Variants in AKAP3 observed in about 807,000 individuals in gnomAD.
AKAP3 encodes the protein A-kinase anchor protein 3.
Under a neutral mutation model 57.2 loss-of-function variants are expected in AKAP3, and 27 were observed. The ratio of observed to expected loss-of-function variants is 0.47; its 90% CI spans 0.35 to 0.65. The LOEUF is 0.65. Ranked by LOEUF, AKAP3 falls within the 30% of genes least tolerant of loss-of-function variation. The probability of loss-of-function intolerance (pLI) is 0.01; values close to 1 mark genes in which losing one functional copy is unlikely to be tolerated. For synonymous variants in AKAP3, 334 were observed against 392.3 expected, an observed-to-expected ratio of 0.85 and a Z score of 1.76; for missense variants, 959 against 1,040.0, an observed-to-expected ratio of 0.92 and a Z score of 1.07.
At chr12:4,641,748 C>G (rs1358822535) in intron 3 of AKAP3, among the ~76,000 whole-genome samples, 151 bp downstream of exon 3, 1 of 152,216 alleles carries the variant, frequency 6.6e-6, no homozygotes, top group Non-Finnish European at 1.5e-5. Flanking sequence ...AACACAATCT[C>G]TTAATCTTCT....
intron 4 of AKAP3, among the ~76,000 whole-genome samples, chr12:4,636,718 T>A (rs1945570363): frequency 6.6e-6 from 1 of 152,242 alleles, no homozygotes; most frequent in African/African-American, 2.4e-5. Flanking sequence ...GTCATTTGCA[T>A]TTGATTACAT....
Position 4,627,069 on chromosome 12 carries a change from C to G in AKAP3, c.1833G>C (p.Gln611His). Residue 611 changes from glutamine to histidine, a missense_variant, in exon 5 of 6, where the codon CAG (glutamine) becomes CAC (histidine). Transcript: ENST00000228850. ...LLSETIFKRD[Q>H]SPEPKVPEQP... is the part of the protein sequence containing the mutation. ...GTTCCGGCACCTTGGGTTCAGGGCT[C>G]TGGTCACGCTTGAAAATGGTCTCAC... 1 of 1,614,052 alleles carries G rather than the reference C, an allele frequency of 6.2e-7. No homozygotes were observed.
At position 4,628,747 on chromosome 12, in the gene AKAP3, C is replaced by T. The variant is rs1945461585; in HGVS notation, c.155G>A (p.Ser52Asn). 3 of 1,614,028 alleles carry T rather than the reference C, an allele frequency of 1.9e-6. No individual in the cohort carries two copies. The highest frequency in any genetic ancestry group is 2.5e-6 in the Non-Finnish European group (3 of 1,180,002). ...CCGAACATCTTGGAACTCTGCTGTA[C>T]TCTTCTCCAGGTCTCTGCGGAGCCA... ...LSWLRRDLEK[S>N]TAEFQDVRFK... The change falls in exon 5 of 6, where the codon AGT (serine) becomes AAT (asparagine). Residue 52 changes from serine (S) to asparagine (N), a missense_variant. Ser to Asn is a conservative substitution (Grantham distance 46). Coordinates refer to ENST00000228850, the MANE Select transcript of AKAP3 (RefSeq NM_001278309.2).
At position 4,627,344 on chromosome 12, in the gene AKAP3, A is replaced by G; in HGVS notation, c.1558T>C (p.Ser520Pro). ...ATCAGGTCCTCGGCCCAGGAGTCTG[A>G]ATCATACATAAAATTCTCAGGTTTC... ...PEKPENFMYD[S>P]DSWAEDLIVS... is the part of the protein sequence containing the mutation. The change falls in exon 5 of 6, where the codon TCA (serine) becomes CCA (proline). Residue 520 changes from serine (S) to proline (P), a missense_variant. By Grantham distance (74) the Ser-to-Pro change is moderately conservative (BLOSUM62 -1). Transcript: ENST00000228850. 1 of 1,614,094 alleles carries G rather than the reference A, an allele frequency of 6.2e-7. No individual in the cohort carries two copies. The highest frequency in any genetic ancestry group is 1.6e-4 in the Middle Eastern group (1 of 6,062).
intron 5 of AKAP3, among the ~76,000 whole-genome samples, chr12:4,621,097 T>C (rs1945342142): frequency 6.6e-6 from 1 of 152,028 alleles, no homozygotes; most frequent in Admixed American, 6.5e-5. Context: ...TGTGTTTGTA[T>C]CTTCATTTTT....
rs569345134 is a variant in AKAP3, at chr12:4,621,282, GAAGA to G, written c.2406+5210_2406+5213del. ...TACAGTAAGCTGCTAATTTATTATT[GAAGA>G]AAGAAAAATATTTTAAAATATTTAT... On this transcript the variant is annotated intron_variant, in intron 5 of 5. Coordinates refer to ENST00000228850, the MANE Select transcript of AKAP3 (RefSeq NM_001278309.2). Among the ~76,000 whole-genome samples, 36 of 151,930 alleles carry G rather than the reference GAAGA, an allele frequency of 2.4e-4. No individual in the cohort carries two copies. The South Asian group carries it at 5.2e-3, about 22-fold the overall frequency.
chr12:4,623,935 ACT>A (rs1444965768), intron 5 of AKAP3, among the ~76,000 whole-genome samples: 12 of 152,296 alleles, frequency 7.9e-5, no homozygotes, highest in African/African-American at 2.4e-4. Context: ...GTCCTCTTAC[ACT>A]GTTTTAATAG....
chr12:4,615,788 C>G lies in AKAP3; in HGVS notation c.2513G>C (p.Gly838Ala), dbSNP rs1164842312. The part of the protein sequence containing the change: ...EKERQLNEAV[G>A]NVTPLQLLDW... The stretch of plus-strand genomic sequence containing the variant: ...CAGCAGCTGCAGCGGTGTGACATTC[C>G]CCACCGCCTCATTCAGCTGGCGCTC... Residue 838 changes from glycine to alanine, a missense_variant, in exon 6 of 6, where the codon GGG becomes GCG. Coordinates refer to ENST00000228850, the MANE Select transcript of AKAP3 (RefSeq NM_001278309.2). The G allele has an allele frequency of 3.7e-6, 6 of 1,614,054 alleles. No homozygotes were observed. Among genetic ancestry groups the G allele is most frequent in the Non-Finnish European group, 5.1e-6 (6 of 1,180,036 alleles).
At chr12:4,641,179 C>T (rs1286609478) in intron 3 of AKAP3, among the ~76,000 whole-genome samples, 1 of 149,448 alleles carries the variant, frequency 6.7e-6, no homozygotes, top group Non-Finnish European at 1.5e-5. Context: ...ATGCTCACCG[C>T]AACCTCCGCC....
At chr12:4,638,000 T>G in intron 4 of AKAP3, 101 bp downstream of exon 4, 4 of 1,033,042 alleles carry the variant, frequency 3.9e-6, no homozygotes, top group Non-Finnish European at 6.0e-6. Flanking sequence ...AATCCCACCT[T>G]GAAAAATAAG....
chr12:4,620,082 C>A (rs538125748), intron 5 of AKAP3, among the ~76,000 whole-genome samples: 1 of 151,930 alleles, frequency 6.6e-6, no homozygotes, highest in Admixed American at 6.6e-5. Context: ...CCAGTCCTAT[C>A]GGATATTCAA....
In AKAP3 at chr12:4,615,851, A is replaced by T. The variant is rs1945279008; in HGVS notation, c.2450T>A (p.Val817Glu). The T allele has an allele frequency of 4.3e-6, 7 of 1,614,234 alleles. No individual in the cohort carries two copies. The highest frequency in any genetic ancestry group is 5.9e-6 in the Non-Finnish European group (7 of 1,180,036). ...SAAAVDKGCS[V>E]GEVLQSVLRY... is the part of the protein sequence containing the mutation. ...CAGCACCGACTGCAGAACCTCGCCCACACTGCATCCTTTGTCCACAGCAGC... is the reference window on the plus strand; with the variant it reads ...CAGCACCGACTGCAGAACCTCGCCCTCACTGCATCCTTTGTCCACAGCAGC... The change falls in exon 6 of 6, where the codon GTG (valine) becomes GAG (glutamate). Residue 817 changes from valine (V) to glutamate (E), a missense_variant. Transcript: ENST00000228850.
chr12:4,637,632 C>T (rs1171525512), intron 4 of AKAP3, among the ~76,000 whole-genome samples: 1 of 152,028 alleles, frequency 6.6e-6, no homozygotes, highest in Non-Finnish European at 1.5e-5. Flanking sequence ...ATTAAGTAAG[C>T]ATTTAATACA....
chr12:4,620,877 G>A (rs1945340013), intron 5 of AKAP3, among the ~76,000 whole-genome samples: 1 of 152,068 alleles, frequency 6.6e-6, no homozygotes, highest in Admixed American at 6.6e-5. Context: ...TATACTTTTG[G>A]TATTATTTTA....
chr12:4,635,687 T>C, intron 4 of AKAP3: 1 of 734,086 alleles, frequency 1.4e-6, no homozygotes, highest in South Asian at 1.5e-5. Context: ...ATTTGTGGTA[T>C]CATATACAGC....
At chr12:4,631,177 G>T in intron 4 of AKAP3, 2 of 521,924 alleles carry the variant, frequency 3.8e-6, no homozygotes, top group Non-Finnish European at 3.4e-6. Flanking sequence ...ATGGCCAATT[G>T]GTGGCAGCAA....
Position 4,615,707 on chromosome 12 carries a change from G to A in AKAP3, c.*32C>T. 6.2e-7 allele frequency: 1 copy of A among 1,603,880 alleles called. No individual in the cohort carries two copies. The highest frequency in any genetic ancestry group is 8.5e-7 in the Non-Finnish European group (1 of 1,172,698). On this transcript the variant is annotated 3_prime_UTR_variant, in exon 6 of 6. Coordinates refer to ENST00000228850, the MANE Select transcript of AKAP3 (RefSeq NM_001278309.2). ...GGCGGGGATAAGGGCCGGCCCCACT[G>A]CCAGAAGAGGGGAAAGCAGTGGGGT...
rs1945328671 is a variant in AKAP3 at position 4,620,126 on chromosome 12, G to T, written c.2407-4232C>A. On this transcript the variant is annotated intron_variant, in intron 5 of 5. Coordinates refer to ENST00000228850, the MANE Select transcript of AKAP3 (RefSeq NM_001278309.2). ...TAGAATTACAGTAATTAAAATAGAT[G>T]CTATTGGTACAAGAGTAGATGGACA... is the stretch of plus-strand genomic sequence containing the variant. Among the ~76,000 whole-genome samples the T allele has an allele frequency of 2.0e-5, 3 of 152,238 alleles. No individual in the cohort carries two copies. The South Asian group carries it at 6.2e-4, about 32-fold the overall frequency.
chr12:4,623,737 C>G (rs1591817413), intron 5 of AKAP3, among the ~76,000 whole-genome samples: 1 of 152,132 alleles, frequency 6.6e-6, no homozygotes, highest in Admixed American at 6.5e-5. Flanking sequence ...CACATATACC[C>G]CTGAACCTAA....
Sources: allele counts gnomAD v4.1 joint callset (sites outside exome capture counted in the v4.1 genomes callset), GRCh38; gene constraint gnomAD v4.1.1; transcripts MANE v1.5; gene names NCBI Gene and HGNC (gene_info 2026-07-23, HGNC 2026-07-21).